Variants in ATP2B1 observed in about 807,000 individuals in gnomAD.
ATP2B1 encodes the protein plasma membrane calcium-transporting ATPase 1.
In ATP2B1, 14 loss-of-function variants were observed where a neutral mutation model predicts 124.2. The observed-to-expected ratio is 0.11, with a 90% CI of 0.07 to 0.18. The LOEUF is 0.18. Among genes scored for constraint, ATP2B1 ranks in the 10% least tolerant of loss-of-function variants. ATP2B1 has a pLI of 1.00. For missense variants in ATP2B1, 763 were observed against 1,466.1 expected, an observed-to-expected ratio of 0.52 and a Z score of 7.83; for synonymous variants, 449 against 492.4, an observed-to-expected ratio of 0.91 and a Z score of 1.17.
At chr12:89,614,659 A>G (rs1878642298) in intron 12 of ATP2B1, among the ~76,000 whole-genome samples, 1 of 152,094 alleles carries the variant, frequency 6.6e-6, no homozygotes, top group African/African-American at 2.4e-5. Context: ...CTTTCTCTAA[A>G]TATCTTTAGT....
Position 89,590,855 on chromosome 12 carries a change from T to C in ATP2B1, c.*129A>G. ...TTTTTTTAAAAAAATAAATCTACAT[T>C]CGTACAAGTGTGTCTTCTGTTGAAG... On this transcript the variant is annotated 3_prime_UTR_variant, in exon 21 of 21. Coordinates refer to ENST00000428670, the MANE Select transcript of ATP2B1 (RefSeq NM_001366521.1). The C allele has an allele frequency of 2.1e-6, 2 of 949,098 alleles. No homozygotes were observed. Among genetic ancestry groups the C allele is most frequent in the South Asian group, 4.0e-5 (2 of 49,886 alleles). The allele number at this position is 949,098 out of a possible 1,614,324, so 58.8% of individuals were successfully genotyped here.
At position 89,603,633 on chromosome 12, in the gene ATP2B1, T is replaced by C; in HGVS notation, c.2848+79A>G. On this transcript the variant is annotated intron_variant, in intron 17 of 20. Transcript: ENST00000428670. This position sits in a 1 kb window ranked among gnomAD's most constrained non-coding sequence, Gnocchi z 4.3. Reference sequence around the variant, plus strand: ...AGTAGAATTTAGGCTCTTGAAAATTTGTAACATTATAACATCTTGGATGAT... The same window carrying C: ...AGTAGAATTTAGGCTCTTGAAAATTCGTAACATTATAACATCTTGGATGAT... 1 of 1,443,884 alleles carries C rather than the reference T, an allele frequency of 6.9e-7. No homozygotes were observed. 89.4% of individuals were successfully genotyped at this position (1,443,884 alleles called of 1,614,324 possible).
At chr12:89,614,090 T>C (rs1005373443) in intron 12 of ATP2B1, among the ~76,000 whole-genome samples, 8 of 152,210 alleles carry the variant, frequency 5.3e-5, no homozygotes, top group East Asian at 3.8e-4. Context: ...AGCATGATAA[T>C]AGACTGATGT....
At chr12:89,637,416 A>ACT in intron 3 of ATP2B1, among the ~76,000 whole-genome samples, 1 of 149,624 alleles carries the variant, frequency 6.7e-6, no homozygotes, top group African/African-American at 2.4e-5. Context: ...TTAAATTTTA[A>ACT]TTTTTTCTTT....
chr12:89,665,524 G>C (rs921077696), intron 1 of ATP2B1, among the ~76,000 whole-genome samples: 1 of 152,044 alleles, frequency 6.6e-6, no homozygotes, highest in South Asian at 2.1e-4. Context: ...AGTAAAATAA[G>C]CTTTTGAAAA....
chr12:89,610,923 T>C (rs1877891114), intron 13 of ATP2B1, among the ~76,000 whole-genome samples: 1 of 152,210 alleles, frequency 6.6e-6, no homozygotes, highest in Non-Finnish European at 1.5e-5. Context: ...TACTCCCTTA[T>C]ACATACTGTA....
intron 1 of ATP2B1, among the ~76,000 whole-genome samples, chr12:89,672,521 T>C (rs973794652): frequency 1.3e-5 from 2 of 152,146 alleles, no homozygotes; most frequent in African/African-American, 4.8e-5. Context: ...TATATTCCTT[T>C]CTATTCCTTT....
chr12:89,630,723 T>C (rs1565843320), intron 5 of ATP2B1, 78 bp from the exon 6 acceptor site: 9 of 1,047,586 alleles, frequency 8.6e-6, no homozygotes, highest in Non-Finnish European at 1.0e-5. Context: ...ACTTCAGTAA[T>C]ATTGTTTTTA....
Position 89,642,207 on chromosome 12 carries a change from T to C in ATP2B1, c.357A>G (p.Ile119Met). The change falls in exon 3 of 21, where the codon ATA becomes ATG. Residue 119 changes from isoleucine to methionine, a missense_variant. Physicochemically the swap from Ile to Met is conservative, Grantham distance 10 (BLOSUM62 1). Coordinates refer to ENST00000428670, the MANE Select transcript of ATP2B1 (RefSeq NM_001366521.1). ...VTLIILEIAA[I>M]VSLGLSFYQP... is the part of the protein sequence containing the mutation. ...GATAAAAAGAAAGGCCCAATGATAC[T>C]ATGGCTGCAATTTCTAATATAATTA... 1 of 1,613,802 alleles carries C rather than the reference T, an allele frequency of 6.2e-7. No homozygotes were observed. The highest frequency in any genetic ancestry group is 1.1e-5 in the South Asian group (1 of 91,080).
intron 19 of ATP2B1, among the ~76,000 whole-genome samples, chr12:89,600,218 G>C (rs910123496): frequency 1.3e-5 from 2 of 152,184 alleles, no homozygotes; most frequent in Non-Finnish European, 2.9e-5. Context: ...GAGACACAAA[G>C]ATGTAAAGAT....
At chr12:89,689,568 T>C (rs1288421636) in intron 1 of ATP2B1, among the ~76,000 whole-genome samples, 2 of 152,094 alleles carry the variant, frequency 1.3e-5, no homozygotes, top group Non-Finnish European at 2.9e-5. Context: ...ATCATGCCTC[T>C]GAGAGGGAAT....
chr12:89,642,076 G>A, intron 3 of ATP2B1, 82 bp downstream of exon 3: 1 of 1,344,920 alleles, frequency 7.4e-7, no homozygotes, highest in East Asian at 2.3e-5. Flanking sequence ...ATAAATGCTG[G>A]CCAGCTATTA....
At chr12:89,633,283 G>GTTCTTTT (rs1882164601) in intron 5 of ATP2B1, among the ~76,000 whole-genome samples, 1 of 151,696 alleles carries the variant, frequency 6.6e-6, no homozygotes, top group Non-Finnish European at 1.5e-5. Context: ...GGGTGTGAAT[G>GTTCTTTT]TTCTTTTTTC....
chr12:89,599,688 A>T (rs1005732182), intron 19 of ATP2B1, among the ~76,000 whole-genome samples: 15 of 152,150 alleles, frequency 9.9e-5, no homozygotes, highest in African/African-American at 4.8e-5. Flanking sequence ...ACATTTCATT[A>T]ATGCTGTCAG....
Position 89,606,443 on chromosome 12 carries a change from C to T in ATP2B1, c.2443-2097G>A, listed in dbSNP as rs560629018. On this transcript the variant is annotated intron_variant, in intron 15 of 20. Transcript: ENST00000428670. Reference sequence around the variant, plus strand: ...GAACTACTTGACCTTTTAAATGCTACGCATACATTGTTTTGATAAACATGA... The same window carrying T: ...GAACTACTTGACCTTTTAAATGCTATGCATACATTGTTTTGATAAACATGA... Among the ~76,000 whole-genome samples, 20 of 152,218 alleles carry T rather than the reference C, an allele frequency of 1.3e-4. No homozygotes were observed. The East Asian group carries it at 3.3e-3, about 25-fold the overall frequency.
intron 12 of ATP2B1, 112 bp downstream of exon 12, chr12:89,616,686 GAAAA>G: frequency 1.3e-6 from 1 of 769,484 alleles, no homozygotes; most frequent in Non-Finnish European, 1.9e-6. Context: ...GGTTCACACA[GAAAA>G]AAAAAAAATC....
At chr12:89,647,469 T>A (rs560458241) in intron 2 of ATP2B1, among the ~76,000 whole-genome samples, 40 of 152,274 alleles carry the variant, frequency 2.6e-4, no homozygotes, top group African/African-American at 8.2e-4. Flanking sequence ...AAATGTAGCA[T>A]CCCAATTGCA....
chr12:89,648,629 G>A (rs991174977), intron 2 of ATP2B1, among the ~76,000 whole-genome samples: 6 of 152,214 alleles, frequency 3.9e-5, no homozygotes, highest in Non-Finnish European at 8.8e-5. Context: ...TGGTAGAGAA[G>A]GAAAACAAGT....
At chr12:89,690,428 A>G (rs1297798116) in intron 1 of ATP2B1, among the ~76,000 whole-genome samples, 1 of 151,924 alleles carries the variant, frequency 6.6e-6, no homozygotes, top group Non-Finnish European at 1.5e-5. Context: ...GACATCGGTA[A>G]AAATTATATC....
Sources: gnomAD v4.1 joint callset for allele counts (sites outside exome capture counted in the v4.1 genomes callset) on GRCh38, gnomAD v4.1.1 for gene constraint, Gnocchi (gnomAD v3.1) non-coding constraint, MANE v1.5 for transcripts, NCBI Gene and HGNC (gene_info 2026-07-23, HGNC 2026-07-21) for gene names.